The following SPPL2A variants were observed in gnomAD, a reference collection of about 807,000 sequenced individuals.
SPPL2A encodes the protein signal peptide peptidase-like 2A.
A neutral mutation model predicts 63.8 loss-of-function variants in SPPL2A; 51 were observed. The ratio of observed to expected loss-of-function variants is 0.80; its 90% CI spans 0.64 to 1.01. SPPL2A has a LOEUF of 1.01. SPPL2A is among the 50% of genes least tolerant of loss of function. The probability of loss-of-function intolerance (pLI) is 0.00; values close to 1 mark genes in which losing one functional copy is unlikely to be tolerated. For missense variants in SPPL2A, 553 were observed against 622.7 expected, an observed-to-expected ratio of 0.89 and a Z score of 1.19; for synonymous variants, 188 against 205.8, an observed-to-expected ratio of 0.91 and a Z score of 0.74.
chr15:50,722,681 T>C (rs1209949718), intron 12 of SPPL2A, among the ~76,000 whole-genome samples: 1 of 152,216 alleles, frequency 6.6e-6, no homozygotes. Context: ...GGTCTCGATC[T>C]CCTGACCTCG....
intron 14 of SPPL2A, among the ~76,000 whole-genome samples, chr15:50,713,877 A>G (rs922599011): frequency 3.9e-5 from 6 of 152,286 alleles, no homozygotes; most frequent in African/African-American, 1.4e-4. Flanking sequence ...TAGCAAATAA[A>G]TTCACAGCAC....
intron 1 of SPPL2A, among the ~76,000 whole-genome samples, chr15:50,755,311 C>T (rs1423164683): frequency 2.8e-5 from 4 of 144,340 alleles, no homozygotes; most frequent in Non-Finnish European, 3.0e-5. Flanking sequence ...GAACGAGACT[C>T]TGTCTCAAAA....
In SPPL2A at chr15:50,708,878, C is replaced by CA. The variant is rs1329195968; in HGVS notation, c.1489-1005dup. Among the ~76,000 whole-genome samples the CA allele has an allele frequency of 5.4e-5, 8 of 147,200 alleles. No individual in the cohort carries two copies. The South Asian group carries it at 1.1e-3, about 20-fold the overall frequency. ...GAAACCCCGTTTCTACAAAAAAATA[C>CA]AAAAAAAAATTAGCCAGGCGTGGTG... On this transcript the variant is annotated intron_variant, in intron 14 of 14. Coordinates refer to ENST00000261854, the MANE Select transcript of SPPL2A (RefSeq NM_032802.4).
chr15:50,715,907 C>T (rs2062595788), intron 14 of SPPL2A, among the ~76,000 whole-genome samples: 1 of 151,918 alleles, frequency 6.6e-6, no homozygotes, highest in Admixed American at 6.6e-5. Context: ...AGAGAAATTA[C>T]TGGGTCAAAG....
chr15:50,762,735 CTT>C (rs72181864), intron 1 of SPPL2A, among the ~76,000 whole-genome samples: 17 of 137,030 alleles, frequency 1.2e-4, no homozygotes, highest in Admixed American at 1.5e-4. Context: ...TTTTTCTTTT[CTT>C]TTTTTTTTTT....
Position 50,739,660 on chromosome 15 carries a change from C to A in SPPL2A, c.733+20G>T. The A allele has an allele frequency of 6.6e-7, 1 of 1,519,062 alleles. No individual in the cohort carries two copies. The highest frequency in any genetic ancestry group is 8.8e-7 in the Non-Finnish European group (1 of 1,131,776). The allele number at this position is 1,519,062 out of a possible 1,614,324, so 94.1% of individuals were successfully genotyped here. On this transcript the variant is annotated intron_variant, in intron 6 of 14. Transcript: ENST00000261854. ...AAGAATGTATGTTAACAGTAGCAAACATAAAATATGACTTCTTACCCAACC... is the reference window on the plus strand; with the variant it reads ...AAGAATGTATGTTAACAGTAGCAAAAATAAAATATGACTTCTTACCCAACC...
At chr15:50,761,549 G>A (rs928145217) in intron 1 of SPPL2A, among the ~76,000 whole-genome samples, 21 of 152,146 alleles carry the variant, frequency 1.4e-4, no homozygotes, top group Non-Finnish European at 2.5e-4. Flanking sequence ...CCGGGAAGCA[G>A]AGGTTGTGAT....
intron 8 of SPPL2A, among the ~76,000 whole-genome samples, chr15:50,733,926 T>C (rs2062749769): frequency 6.6e-6 from 1 of 152,028 alleles, no homozygotes; most frequent in Non-Finnish European, 1.5e-5. Flanking sequence ...ACATCTCCAA[T>C]CAGATGAAAT....
chr15:50,719,535 G>A (rs1263702822), intron 14 of SPPL2A, among the ~76,000 whole-genome samples: 3 of 152,144 alleles, frequency 2.0e-5, no homozygotes, highest in African/African-American at 7.2e-5. Context: ...GTGAGCCACC[G>A]TGCCTGGCCA....
intron 1 of SPPL2A, among the ~76,000 whole-genome samples, chr15:50,754,900 T>G (rs908895737): frequency 1.3e-5 from 2 of 150,346 alleles, no homozygotes; most frequent in Non-Finnish European, 3.0e-5. Context: ...GAGAATCACT[T>G]GAACCCAGGA....
At chr15:50,718,029 T>C (rs891610967) in intron 14 of SPPL2A, among the ~76,000 whole-genome samples, 5 of 141,894 alleles carry the variant, frequency 3.5e-5, no homozygotes, top group South Asian at 4.7e-4. Flanking sequence ...TGGAGTGCAG[T>C]GGCACGATCT....
chr15:50,722,505 G>A (rs1181700667), intron 12 of SPPL2A, among the ~76,000 whole-genome samples: 6 of 151,812 alleles, frequency 4.0e-5, no homozygotes, highest in African/African-American at 1.5e-4. Context: ...TGCCCAGGAT[G>A]GAGTGCAGTG....
chr15:50,750,417 C>T (rs922413251), intron 1 of SPPL2A, among the ~76,000 whole-genome samples: 1 of 152,130 alleles, frequency 6.6e-6, no homozygotes, highest in Non-Finnish European at 1.5e-5. Flanking sequence ...TACTCAAAAT[C>T]CATCAATCTG....
chr15:50,748,944 C>T (rs2062882758), intron 2 of SPPL2A, 74 bp from the exon 3 acceptor site: 2 of 873,368 alleles, frequency 2.3e-6, no homozygotes, highest in South Asian at 4.1e-5. Context: ...ATAAATACTG[C>T]CTTTGGTTAT....
At chr15:50,726,409 T>A in intron 10 of SPPL2A, 32 bp from the exon 11 acceptor site, 1 of 1,594,806 alleles carries the variant, frequency 6.3e-7, no homozygotes, top group Non-Finnish European at 8.6e-7. Flanking sequence ...AGTTGTCTAA[T>A]CATTTAAAGA....
chr15:50,705,584 GA>G lies in SPPL2A; in HGVS notation c.*2215del, dbSNP rs2062502004. ...TCTGCCAAATAAATCAGATTTCTTG[GA>G]AAATATTCAAACTTGATACAATGGA... On this transcript the variant is annotated 3_prime_UTR_variant, in exon 15 of 15. Transcript: ENST00000261854. 1.3e-5 allele frequency: 2 copies of G among 152,130 alleles called. No individual in the cohort carries two copies. Among genetic ancestry groups the G allele is most frequent in the South Asian group, 4.2e-4 (2 of 4,804 alleles). 9.4% of individuals were successfully genotyped at this position (152,130 alleles called of 1,614,324 possible). A position where few individuals can be genotyped will look rare whatever the true frequency, so the allele number is the denominator to read the frequency against.
chr15:50,754,667 C>T (rs1476578529), intron 1 of SPPL2A, among the ~76,000 whole-genome samples: 1 of 152,154 alleles, frequency 6.6e-6, no homozygotes, highest in African/African-American at 2.4e-5. Flanking sequence ...AAGCCAAAGA[C>T]TTCCTAGCAA....
intron 13 of SPPL2A, among the ~76,000 whole-genome samples, chr15:50,720,823 C>G (rs1047484965): frequency 2.0e-5 from 3 of 151,980 alleles, no homozygotes; most frequent in African/African-American, 7.2e-5. Context: ...CCGGCCTGAA[C>G]TTTTCTTAAT....
chr15:50,759,698 G>A (rs2062991899), intron 1 of SPPL2A, among the ~76,000 whole-genome samples: 2 of 151,662 alleles, frequency 1.3e-5, no homozygotes, highest in African/African-American at 4.8e-5. Context: ...AGCCGAGATT[G>A]CGCCACTGCA....
Sources: gnomAD v4.1 joint callset for allele counts (sites outside exome capture counted in the v4.1 genomes callset) on GRCh38, gnomAD v4.1.1 for gene constraint, MANE v1.5 for transcripts, NCBI Gene and HGNC (gene_info 2026-07-23, HGNC 2026-07-21) for gene names.